The following ZDHHC4 variants were observed in gnomAD, a reference collection of about 807,000 sequenced individuals.
The protein encoded by ZDHHC4 is zDHHC palmitoyltransferase 4.
Under a neutral mutation model 36.7 loss-of-function variants are expected in ZDHHC4, and 42 were observed. That is an observed-to-expected ratio of 1.14 (90% confidence interval 0.89 to 1.48). The LOEUF (loss-of-function observed/expected upper bound fraction) is 1.48. Ranked by LOEUF, ZDHHC4 falls within the 40% of genes most tolerant of loss-of-function variation. The pLI is 0.00. For synonymous variants in ZDHHC4, 189 were observed against 166.6 expected (o/e 1.13, Z -1.03); for missense variants, 457 against 421.5 (o/e 1.08, Z -0.74).
Position 6,585,104 on chromosome 7 carries a change from C to T in ZDHHC4, c.585C>T (p.Leu195=), listed in dbSNP as rs1162762465. ...GGGCCTGGAACATCAGGTACTTCCT[C>T]ATCTACGTCTTGACCTTGACGGCCT... is the stretch of plus-strand genomic sequence containing the variant. ...CIGAWNIRYF[L]IYVLTLTASA... Residue 195 remains leucine, a synonymous_variant, in exon 7 of 8, where the codon CTC becomes CTT. Coordinates refer to ENST00000335965, the MANE Select transcript of ZDHHC4 (RefSeq NM_001134389.2). 1.7e-5 allele frequency: 27 copies of T among 1,614,046 alleles called. No individual in the cohort carries two copies. In the East Asian group the frequency reaches 4.7e-4, roughly 28 times the overall value.
rs896747756 is a variant in ZDHHC4, at chr7:6,581,822, T to C, written c.191+142T>C. The C allele has an allele frequency of 1.3e-5, 10 of 782,784 alleles. No homozygotes were observed. In the African/African-American group the frequency reaches 1.6e-4, roughly 12 times the overall value. 48.5% of individuals were successfully genotyped at this position (782,784 alleles called of 1,614,324 possible). On this transcript the variant is annotated intron_variant, in intron 4 of 7. Coordinates refer to ENST00000335965, the MANE Select transcript of ZDHHC4 (RefSeq NM_001134389.2). ...CCGGAAAGAATCACGAGTCCTGAGT[T>C]GGGAGCCTCTACTCGTAGTTAATCT...
In ZDHHC4 at chr7:6,582,117, T is replaced by C; in HGVS notation, c.236T>C (p.Val79Ala). The change falls in exon 5 of 8, where the codon GTT (valine) becomes GCT (alanine). Residue 79 changes from valine (V) to alanine (A), a missense_variant. Physicochemically the swap from Val to Ala is moderately conservative, Grantham distance 64 (BLOSUM62 0). Coordinates refer to ENST00000335965, the MANE Select transcript of ZDHHC4 (RefSeq NM_001134389.2). ...IVLHLVLQGM[V>A]YTEYTWEVFG... ...CTGCACCTGGTCTTGCAAGGGATGG[T>C]TTATACTGAGTACACCTGGGAAGTA... 6.2e-7 allele frequency: 1 copy of C among 1,614,140 alleles called. No homozygotes were observed. Among genetic ancestry groups the C allele is most frequent in the Non-Finnish European group, 8.5e-7 (1 of 1,180,024 alleles).
chr7:6,584,143 C>T (rs191624987), intron 6 of ZDHHC4: 21 of 152,062 alleles, frequency 1.4e-4, no homozygotes, highest in Admixed American at 9.2e-4. Context: ...TGTTATTTAA[C>T]CTACATATGT....
chr7:6,585,984 C>T (rs1781216403), intron 7 of ZDHHC4, among the ~76,000 whole-genome samples: 1 of 152,056 alleles, frequency 6.6e-6, no homozygotes, highest in Non-Finnish European at 1.5e-5. Context: ...AACCTCGTCT[C>T]TACTAAAAAT....
chr7:6,582,979 T>G (rs954554328), intron 5 of ZDHHC4, among the ~76,000 whole-genome samples: 2 of 152,064 alleles, frequency 1.3e-5, no homozygotes, highest in African/African-American at 2.4e-5. Flanking sequence ...CAGACCAGCC[T>G]GGCCAAAATG....
chr7:6,588,369 C>T (rs1189611037), intron 7 of ZDHHC4, among the ~76,000 whole-genome samples: 6 of 152,242 alleles, frequency 3.9e-5, no homozygotes, highest in Non-Finnish European at 7.3e-5. Flanking sequence ...AGCACATTTC[C>T]TAAGTAAACT....
intron 2 of ZDHHC4, among the ~76,000 whole-genome samples, chr7:6,579,393 G>A (rs374080738): frequency 1.2e-4 from 19 of 152,098 alleles, no homozygotes; most frequent in African/African-American, 4.6e-4. Flanking sequence ...TATAGATGGG[G>A]ATTACACCAT....
chr7:6,584,746 G>A (rs192981303), intron 6 of ZDHHC4, among the ~76,000 whole-genome samples: 6 of 152,166 alleles, frequency 3.9e-5, no homozygotes, highest in Admixed American at 6.6e-5. Context: ...TGATCCTCCC[G>A]CCTAGCCTCT....
Position 6,582,099 on chromosome 7 carries a change from TG to T in ZDHHC4, c.220del (p.Val74SerfsTer35). 1 of 1,614,078 alleles carries T rather than the reference TG, an allele frequency of 6.2e-7. No homozygotes were observed. Among genetic ancestry groups the T allele is most frequent in the Non-Finnish European group, 8.5e-7 (1 of 1,179,962 alleles). ...TRNHTFIVLH[L>X]VLQGMVYTEY... ...AACCACACCTTCATTGTCCTGCACC[TG>T]GTCTTGCAAGGGATGGTTTATACTG... On this transcript the variant is annotated frameshift_variant, in exon 5 of 8. Transcript: ENST00000335965. LOFTEE classifies it high-confidence loss of function.
Position 6,585,081 on chromosome 7 carries a change from G to A in ZDHHC4, c.562G>A (p.Ala188Thr). The A allele has an allele frequency of 6.2e-7, 1 of 1,614,128 alleles. No individual in the cohort carries two copies. Among genetic ancestry groups the A allele is most frequent in the Non-Finnish European group, 8.5e-7 (1 of 1,180,034 alleles). ...TGTTTGGGTGAACAACTGCATCGGG[G>A]CCTGGAACATCAGGTACTTCCTCAT... Reference protein sequence around the residue: ...HCVWVNNCIGAWNIRYFLIYV... With the variant: ...HCVWVNNCIGTWNIRYFLIYV... Residue 188 changes from alanine (A) to threonine (T), a missense_variant, in exon 7 of 8, where the codon GCC becomes ACC. Ala to Thr is a moderately conservative substitution (Grantham distance 58, BLOSUM62 0). Transcript: ENST00000335965.
intron 7 of ZDHHC4, 56 bp downstream of exon 7, chr7:6,585,316 A>G: frequency 1.3e-6 from 2 of 1,586,536 alleles, no homozygotes; most frequent in Non-Finnish European, 1.7e-6. Flanking sequence ...AAAGACATTT[A>G]TTTTTCCAGT....
intron 7 of ZDHHC4, 103 bp downstream of exon 7, chr7:6,585,363 C>G: frequency 6.8e-7 from 1 of 1,476,194 alleles, no homozygotes; most frequent in East Asian, 2.3e-5. Context: ...GTGGCTCACG[C>G]CTATAATCCC....
chr7:6,584,784 G>A (rs1266231921), intron 6 of ZDHHC4: 11 of 555,510 alleles, frequency 2.0e-5, no homozygotes, highest in South Asian at 1.0e-4. Context: ...GGTGCATGCC[G>A]CCACCACCTC....
chr7:6,581,057 A>G (rs1363630695), intron 3 of ZDHHC4: 1 of 263,200 alleles, frequency 3.8e-6, no homozygotes, highest in African/African-American at 2.2e-5. Flanking sequence ...TTGAGAGAAG[A>G]GGTTGCTGTT....
intron 3 of ZDHHC4, 72 bp downstream of exon 3, chr7:6,580,750 C>T: frequency 1.3e-6 from 2 of 1,482,810 alleles, no homozygotes; most frequent in Non-Finnish European, 9.4e-7. Context: ...GGTTTTGCTA[C>T]AGGACAAAAA....
intron 6 of ZDHHC4, chr7:6,584,401 C>G (rs186604132): frequency 6.6e-6 from 1 of 152,142 alleles, no homozygotes; most frequent in East Asian, 1.9e-4. Flanking sequence ...TATCTGAATT[C>G]GGTACCAAAA....
At chr7:6,586,522 C>T (rs1195448600) in intron 7 of ZDHHC4, among the ~76,000 whole-genome samples, 1 of 152,192 alleles carries the variant, frequency 6.6e-6, no homozygotes, top group Non-Finnish European at 1.5e-5. Context: ...GTTGCCCAGG[C>T]TGGAGTGCAA....
At chr7:6,585,325 G>A (rs1781167057) in intron 7 of ZDHHC4, 65 bp downstream of exon 7, 1 of 1,574,900 alleles carries the variant, frequency 6.3e-7, no homozygotes, top group South Asian at 1.2e-5. Context: ...TATTTTTCCA[G>A]TAAAAGCATG....
Position 6,588,978 on chromosome 7 carries a change from C to T in ZDHHC4, c.*68C>T, listed in dbSNP as rs938098783. 2.6e-6 allele frequency: 4 copies of T among 1,538,922 alleles called. No homozygotes were observed. The highest frequency in any genetic ancestry group is 1.8e-6 in the Non-Finnish European group (2 of 1,134,164). On this transcript the variant is annotated 3_prime_UTR_variant, in exon 8 of 8. Transcript: ENST00000335965. Reference sequence around the variant, plus strand: ...CACATGTGGATCCTCGTTTTCCAAGCATGGCTTGTTTGTTTTGATTTCTGC... The same window carrying T: ...CACATGTGGATCCTCGTTTTCCAAGTATGGCTTGTTTGTTTTGATTTCTGC...
Sources: gnomAD v4.1 joint callset for allele counts (sites outside exome capture counted in the v4.1 genomes callset) on GRCh38, gnomAD v4.1.1 for gene constraint, MANE v1.5 for transcripts, NCBI Gene and HGNC (gene_info 2026-07-23, HGNC 2026-07-21) for gene names.